PDE4D: variants seen among roughly 807,000 people sequenced by gnomAD.
The protein encoded by PDE4D is phosphodiesterase 4D.
Under a neutral mutation model 87.4 loss-of-function variants are expected in PDE4D, and 24 were observed. The observed-to-expected ratio is 0.27, with a 90% confidence interval of 0.20 to 0.39. The LOEUF is 0.39. Ranked by LOEUF, PDE4D falls within the 10% of genes least tolerant of loss-of-function variation. The pLI is 1.00. For synonymous variants in PDE4D, 384 were observed against 383.2 expected, an observed-to-expected ratio of 1.00 and a Z score of -0.02; for missense variants, 714 against 1,041.0, an observed-to-expected ratio of 0.69 and a Z score of 4.32.
chr5:59,288,241 CAA>C (rs1403545450), intron 1 of PDE4D, among the ~76,000 whole-genome samples: 1 of 151,928 alleles, frequency 6.6e-6, no homozygotes, highest in African/African-American at 2.4e-5. Context: ...ATAAATTCAA[CAA>C]AGAGATTAAA....
intron 1 of PDE4D, among the ~76,000 whole-genome samples, chr5:59,289,895 G>GA (rs1335633542): frequency 6.6e-6 from 1 of 151,780 alleles, no homozygotes; most frequent in Non-Finnish European, 1.5e-5. Flanking sequence ...TGAACAATCT[G>GA]AAAAAGAAAT....
intron 1 of PDE4D, among the ~76,000 whole-genome samples, chr5:59,485,972 A>G (rs191826254): frequency 2.6e-5 from 4 of 152,204 alleles, no homozygotes; most frequent in Admixed American, 2.6e-4. Flanking sequence ...TATTGGGAAA[A>G]GGGTTTAAGC....
At chr5:60,372,251 A>C (rs1375685624) in intron 1 of PDE4D, among the ~76,000 whole-genome samples, 2 of 151,024 alleles carry the variant, frequency 1.3e-5, no homozygotes, top group East Asian at 1.9e-4. Flanking sequence ...TGCTTTCTTA[A>C]GGTTTCAACT....
intron 1 of PDE4D, among the ~76,000 whole-genome samples, chr5:59,619,575 C>T (rs1830108639): frequency 6.6e-6 from 1 of 152,148 alleles, no homozygotes; most frequent in African/African-American, 2.4e-5. Context: ...GGCTAAATAC[C>T]TCTGGAATAT....
intron 1 of PDE4D, among the ~76,000 whole-genome samples, chr5:59,597,064 T>G (rs1826796796): frequency 6.6e-6 from 1 of 152,184 alleles, no homozygotes; most frequent in Admixed American, 6.5e-5. Context: ...TAGGCCCTGC[T>G]ATACTTGTTT....
At chr5:60,382,042 A>G (rs760242991) in intron 1 of PDE4D, among the ~76,000 whole-genome samples, 1 of 152,214 alleles carries the variant, frequency 6.6e-6, no homozygotes, top group Non-Finnish European at 1.5e-5. Flanking sequence ...AATATTTGCT[A>G]AAGAGTTTTT....
At chr5:60,306,146 C>T (rs1448001551) in intron 1 of PDE4D, among the ~76,000 whole-genome samples, 2 of 151,874 alleles carry the variant, frequency 1.3e-5, no homozygotes. Context: ...TACACATAAT[C>T]CAGTGGAATT....
intron 1 of PDE4D, among the ~76,000 whole-genome samples, chr5:59,717,119 G>A (rs565555320): frequency 5.3e-5 from 8 of 152,260 alleles, no homozygotes; most frequent in Non-Finnish European, 5.9e-5. Context: ...CTGACTAGAA[G>A]AAAATGTTCT....
At chr5:60,363,667 G>A (rs1476514295) in intron 1 of PDE4D, among the ~76,000 whole-genome samples, 1 of 152,174 alleles carries the variant, frequency 6.6e-6, no homozygotes, top group African/African-American at 2.4e-5. Flanking sequence ...TAGGAGAAGT[G>A]GCATCACCAG....
At chr5:59,306,298 C>A (rs1194685369) in intron 1 of PDE4D, among the ~76,000 whole-genome samples, 1 of 152,136 alleles carries the variant, frequency 6.6e-6, no homozygotes, top group East Asian at 1.9e-4. Context: ...TTAGGTGAGT[C>A]TCCTGAAGGC....
chr5:59,356,619 C>T, intron 1 of PDE4D: 1 of 657,660 alleles, frequency 1.5e-6, no homozygotes, highest in Middle Eastern at 2.5e-4. Context: ...TTTACATCAT[C>T]TTCTTGGCTC....
chr5:60,460,659 T>C (rs772083248), intron 1 of PDE4D: 3 of 1,137,154 alleles, frequency 2.6e-6, no homozygotes, highest in African/African-American at 1.5e-5. Flanking sequence ...CAGAGGCCAA[T>C]GTCTCCTCCG....
chr5:59,464,626 G>A (rs1002292703), intron 1 of PDE4D, among the ~76,000 whole-genome samples: 1 of 152,094 alleles, frequency 6.6e-6, no homozygotes, highest in Non-Finnish European at 1.5e-5. Context: ...TCCATACGCT[G>A]AACGCTGGTT....
chr5:59,551,699 T>C (rs1482365120), intron 1 of PDE4D, among the ~76,000 whole-genome samples: 1 of 152,180 alleles, frequency 6.6e-6, no homozygotes, highest in African/African-American at 2.4e-5. Flanking sequence ...AACTTTTTCT[T>C]GATTTTCCCA....
intron 1 of PDE4D, among the ~76,000 whole-genome samples, chr5:59,403,121 G>T (rs62357468): frequency 2.7e-5 from 4 of 150,796 alleles, no homozygotes; most frequent in Non-Finnish European, 4.4e-5. Context: ...AATTTCTGTT[G>T]GTACATAATA....
chr5:59,719,073 C>G (rs1385500697), intron 1 of PDE4D, among the ~76,000 whole-genome samples: 1 of 151,280 alleles, frequency 6.6e-6, no homozygotes, highest in Non-Finnish European at 1.5e-5. Context: ...CAATGCTGAA[C>G]AGGAGGTAAC....
At chr5:60,277,704 C>G (rs1751512268) in intron 1 of PDE4D, among the ~76,000 whole-genome samples, 1 of 152,054 alleles carries the variant, frequency 6.6e-6, no homozygotes, top group South Asian at 2.1e-4. Flanking sequence ...AATTGGTATG[C>G]TAGGGCTTAA....
intron 1 of PDE4D, among the ~76,000 whole-genome samples, chr5:59,629,095 G>A (rs1409459293): frequency 6.6e-6 from 1 of 152,140 alleles, no homozygotes; most frequent in African/African-American, 2.4e-5. Flanking sequence ...CTCCCACTTG[G>A]TCCCTCCCAC....
chr5:59,500,654 C>T (rs1386150678), intron 1 of PDE4D, among the ~76,000 whole-genome samples: 4 of 152,110 alleles, frequency 2.6e-5, no homozygotes, highest in African/African-American at 4.8e-5. Context: ...CCCTATGGTC[C>T]TATGTCACTA....
Sources: allele counts gnomAD v4.1 joint callset (sites outside exome capture counted in the v4.1 genomes callset), GRCh38; gene constraint gnomAD v4.1.1; transcripts MANE v1.5; gene names NCBI Gene and HGNC (gene_info 2026-07-23, HGNC 2026-07-21).